The following ATF2 variants were observed in gnomAD, a reference collection of about 807,000 sequenced individuals.
The protein encoded by ATF2 is cyclic AMP-dependent transcription factor ATF-2.
A neutral mutation model predicts 60.6 loss-of-function variants in ATF2; 24 were observed. The ratio of observed to expected loss-of-function variants is 0.40; its 90% confidence interval spans 0.29 to 0.56. ATF2 has a LOEUF of 0.56. Among genes scored for constraint, ATF2 ranks in the 20% least tolerant of loss-of-function variants. ATF2 has a pLI of 0.54. For missense variants in ATF2, 433 were observed against 607.7 expected, an observed-to-expected ratio of 0.71 and a Z score of 3.02; for synonymous variants, 206 against 215.4, an observed-to-expected ratio of 0.96 and a Z score of 0.38.
At chr2:175,162,153 A>T (rs1700066900) in intron 1 of ATF2, among the ~76,000 whole-genome samples, 1 of 152,254 alleles carries the variant, frequency 6.6e-6, no homozygotes, top group Non-Finnish European at 1.5e-5. Context: ...CCAGTCTGTC[A>T]AAAGTTTTGG....
chr2:175,115,672 T>C (rs553766012), intron 7 of ATF2, among the ~76,000 whole-genome samples: 1 of 152,288 alleles, frequency 6.6e-6, no homozygotes, highest in South Asian at 2.1e-4. Flanking sequence ...GATAAAGTAG[T>C]AGTATTGTAA....
At chr2:175,121,751 T>C (rs1433053416) in intron 4 of ATF2, among the ~76,000 whole-genome samples, 1 of 151,174 alleles carries the variant, frequency 6.6e-6, no homozygotes, top group Admixed American at 6.6e-5. Context: ...TAAGCAATAC[T>C]GATATATTGC....
At chr2:175,125,976 G>A (rs924879361) in intron 4 of ATF2, among the ~76,000 whole-genome samples, 11 of 152,022 alleles carry the variant, frequency 7.2e-5, no homozygotes, top group African/African-American at 2.7e-4. Context: ...CTACATTGAA[G>A]CTATGTATCT....
intron 11 of ATF2, 101 bp downstream of exon 11, chr2:175,097,340 TAAC>T (rs1293136682): frequency 1.4e-6 from 2 of 1,459,206 alleles, no homozygotes; most frequent in Non-Finnish European, 9.2e-7. Flanking sequence ...ATCTTTGGAA[TAAC>T]AACATGACCA....
intron 1 of ATF2, among the ~76,000 whole-genome samples, chr2:175,158,482 G>A (rs890671778): frequency 8.6e-5 from 13 of 151,700 alleles, no homozygotes; most frequent in Admixed American, 3.9e-4. Context: ...ATTATCCAGG[G>A]ATAATTTTAA....
intron 2 of ATF2, among the ~76,000 whole-genome samples, chr2:175,141,032 T>A (rs200490045): frequency 9.6e-4 from 72 of 74,832 alleles, no homozygotes; most frequent in Admixed American, 1.2e-3. Context: ...AAAAAAAAAA[T>A]ATATATATAT....
intron 1 of ATF2, among the ~76,000 whole-genome samples, chr2:175,159,130 C>T (rs1699860853): frequency 1.3e-5 from 2 of 151,956 alleles, no homozygotes; most frequent in Admixed American, 6.6e-5. Flanking sequence ...CCAGCCTGGT[C>T]ATCATGGAGA....
At chr2:175,150,542 A>G (rs2105810139) in intron 2 of ATF2, among the ~76,000 whole-genome samples, 1 of 152,296 alleles carries the variant, frequency 6.6e-6, no homozygotes, top group South Asian at 2.1e-4. Context: ...AAGGGACTGT[A>G]TAACTTCCAA....
intron 8 of ATF2, 181 bp downstream of exon 8, chr2:175,114,509 C>A: frequency 7.7e-7 from 1 of 1,307,130 alleles, no homozygotes; most frequent in South Asian, 2.4e-5. Flanking sequence ...TATTTATCTC[C>A]CACTCTGTTA....
At chr2:175,097,181 G>A (rs188953336) in intron 11 of ATF2, among the ~76,000 whole-genome samples, 2 of 152,172 alleles carry the variant, frequency 1.3e-5, no homozygotes, top group African/African-American at 4.8e-5. Flanking sequence ...AACAGAAAAA[G>A]ATGTTTTCTT....
intron 1 of ATF2, chr2:175,167,567 G>A: frequency 6.4e-6 from 3 of 467,090 alleles, no homozygotes; most frequent in South Asian, 3.1e-5. Context: ...ACCAATACAC[G>A]GTCCTCAATC....
Position 175,111,525 on chromosome 2 carries a change from A to T in ATF2, c.828+43T>A, listed in dbSNP as rs202004708. The stretch of plus-strand genomic sequence containing the variant: ...GGCTTTAGTGAAAACATTAATTCAA[A>T]ACAGCCTCAAGCAATGTACAGAACA... On this transcript the variant is annotated intron_variant, in intron 10 of 13. Transcript: ENST00000264110. The T allele has an allele frequency of 1.3e-3, 1,984 of 1,519,466 alleles. 6 individuals carry two copies. The highest frequency in any genetic ancestry group is 4.6e-3 in the South Asian group (396 of 86,518). 94.1% of individuals were successfully genotyped at this position (1,519,466 alleles called of 1,614,324 possible).
intron 11 of ATF2, among the ~76,000 whole-genome samples, chr2:175,096,040 A>C (rs1324073564): frequency 6.6e-6 from 1 of 152,206 alleles, no homozygotes; most frequent in Non-Finnish European, 1.5e-5. Context: ...TTATATATTA[A>C]GTTTTTAAAA....
intron 2 of ATF2, among the ~76,000 whole-genome samples, chr2:175,143,524 T>C (rs146264710): frequency 1.0e-3 from 155 of 152,304 alleles, no homozygotes; most frequent in African/African-American, 3.5e-3. Flanking sequence ...GTGAAACTGC[T>C]ATATCAAAGT....
intron 2 of ATF2, among the ~76,000 whole-genome samples, chr2:175,149,762 T>C (rs184321742): frequency 4.3e-4 from 65 of 152,278 alleles, no homozygotes; most frequent in African/African-American, 1.4e-3. Context: ...GTCTTAGGCT[T>C]CCCCTTAATC....
intron 7 of ATF2, among the ~76,000 whole-genome samples, chr2:175,116,517 A>C (rs1243293745): frequency 6.6e-6 from 1 of 152,024 alleles, no homozygotes. Context: ...GTTGGATATA[A>C]ATCTGGCAAT....
At chr2:175,100,454 G>A (rs1408059559) in intron 10 of ATF2, among the ~76,000 whole-genome samples, 1 of 152,160 alleles carries the variant, frequency 6.6e-6, no homozygotes, top group Non-Finnish European at 1.5e-5. Flanking sequence ...TTATATATGA[G>A]ATGTAAAAAG....
intron 2 of ATF2, among the ~76,000 whole-genome samples, chr2:175,146,921 C>T (rs1056563042): frequency 2.0e-5 from 3 of 151,954 alleles, no homozygotes; most frequent in African/African-American, 7.3e-5. Context: ...TAATTAGCAT[C>T]GATGTAGTTT....
chr2:175,079,504 A>G (rs1277409673), intron 13 of ATF2, among the ~76,000 whole-genome samples: 1 of 152,096 alleles, frequency 6.6e-6, no homozygotes, highest in African/African-American at 2.4e-5. Context: ...ATTTACTCCA[A>G]TGTGTTTCAC....
Sources: gnomAD v4.1 joint callset for allele counts (sites outside exome capture counted in the v4.1 genomes callset) on GRCh38, gnomAD v4.1.1 for gene constraint, MANE v1.5 for transcripts, NCBI Gene and HGNC (gene_info 2026-07-23, HGNC 2026-07-21) for gene names.